Variants in TMEM39B observed in about 807,000 individuals in gnomAD.
The protein encoded by TMEM39B is transmembrane protein 39B.
In TMEM39B, 23 loss-of-function variants were observed where a neutral mutation model predicts 52.2. That is an observed-to-expected ratio of 0.44 (90% CI 0.32 to 0.62). The LOEUF is 0.62. TMEM39B is among the 20% of genes least tolerant of loss of function. TMEM39B has a pLI of 0.06. For missense variants in TMEM39B, 547 were observed against 642.0 expected, an observed-to-expected ratio of 0.85 and a Z score of 1.60; for synonymous variants, 285 against 264.0, an observed-to-expected ratio of 1.08 and a Z score of -0.77.
chr1:32,093,489 G>A (rs946803903), intron 6 of TMEM39B, among the ~76,000 whole-genome samples: 6 of 135,114 alleles, frequency 4.4e-5, no homozygotes, highest in Admixed American at 2.6e-4. Flanking sequence ...TTGGCTCACT[G>A]CAGCCTTTGC....
chr1:32,080,889 G>A (rs1640067216), intron 5 of TMEM39B, among the ~76,000 whole-genome samples: 1 of 151,790 alleles, frequency 6.6e-6, no homozygotes, highest in South Asian at 2.1e-4. Flanking sequence ...CCATTGCTGG[G>A]CACGGTAGCT....
chr1:32,088,220 T>C (rs1640452709), intron 5 of TMEM39B, among the ~76,000 whole-genome samples: 1 of 148,292 alleles, frequency 6.7e-6, no homozygotes, highest in Non-Finnish European at 1.5e-5. Flanking sequence ...ATTGAGACAA[T>C]CTTGGCTAAC....
rs747953802 is a variant in TMEM39B at position 32,077,199 on chromosome 1, C to T, written c.471C>T (p.Ser157=). 57 of 1,614,086 alleles carry T rather than the reference C, an allele frequency of 3.5e-5. 3 individuals carry two copies. In the South Asian group the frequency reaches 6.1e-4, roughly 17 times the overall value. The change falls in exon 5 of 9, where the codon TCC becomes TCT. Residue 157 remains serine (S), a synonymous_variant. Coordinates refer to ENST00000336294, the MANE Select transcript of TMEM39B (RefSeq NM_018056.4). ...GGGGGAAGGTCTCCCTCTTTCGCTCCATCCTGCTGTTCCTCACTCGCTTCA... is the reference window on the plus strand; with the variant it reads ...GGGGGAAGGTCTCCCTCTTTCGCTCTATCCTGCTGTTCCTCACTCGCTTCA... ...SQRGKVSLFR[S]ILLFLTRFTV...
At chr1:32,098,904 G>A (rs557583108) in intron 7 of TMEM39B, among the ~76,000 whole-genome samples, 1 of 152,256 alleles carries the variant, frequency 6.6e-6, no homozygotes, top group South Asian at 2.1e-4. Context: ...ATAAATAGAT[G>A]ACCAGCATTG....
rs1164290584 is a variant in TMEM39B, at chr1:32,073,033, C to T, written c.-15C>T. 6.6e-7 allele frequency: 1 copy of T among 1,526,702 alleles called. No individual in the cohort carries two copies. The highest frequency in any genetic ancestry group is 8.8e-7 in the Non-Finnish European group (1 of 1,135,406). 94.6% of individuals were successfully genotyped at this position (1,526,702 alleles called of 1,614,324 possible). On this transcript the variant is annotated 5_prime_UTR_variant, in exon 1 of 9. Coordinates refer to ENST00000336294, the MANE Select transcript of TMEM39B (RefSeq NM_018056.4). ...GGAGCTGCGGCGGCGAAGCGGAGAG[C>T]ACCGGGGGGAGGAGATGGGTGAGCA...
At chr1:32,076,512 G>A (rs1639868110) in intron 3 of TMEM39B, 4 of 643,670 alleles carry the variant, frequency 6.2e-6, no homozygotes, top group Non-Finnish European at 8.6e-6. Context: ...ATAGGGACAG[G>A]GGCATGTGTG....
intron 5 of TMEM39B, among the ~76,000 whole-genome samples, chr1:32,080,115 C>T (rs186220904): frequency 4.6e-5 from 7 of 151,932 alleles, no homozygotes; most frequent in African/African-American, 1.7e-4. Flanking sequence ...GTCTCGATCT[C>T]CTGACCTCGT....
chr1:32,097,676 G>C (rs1024498953), intron 7 of TMEM39B, among the ~76,000 whole-genome samples: 1 of 144,138 alleles, frequency 6.9e-6, no homozygotes, highest in East Asian at 2.1e-4. Context: ...ATGGAGTCTC[G>C]CTCTGTCGCC....
chr1:32,079,386 G>A (rs1032209709), intron 5 of TMEM39B, among the ~76,000 whole-genome samples: 2 of 151,528 alleles, frequency 1.3e-5, no homozygotes, highest in South Asian at 2.1e-4. Context: ...GGGTTTCACC[G>A]TGTTAGCCAG....
chr1:32,098,019 G>A (rs985038219), intron 7 of TMEM39B, among the ~76,000 whole-genome samples: 4 of 151,216 alleles, frequency 2.6e-5, no homozygotes, highest in Non-Finnish European at 5.9e-5. Context: ...TTTTTGAGAC[G>A]GGGTTTCGCT....
chr1:32,100,366 C>G (rs1198517900), intron 7 of TMEM39B, 76 bp from the exon 8 acceptor site: 4 of 1,461,976 alleles, frequency 2.7e-6, no homozygotes, highest in Admixed American at 2.6e-5. Flanking sequence ...CCTGGTGATT[C>G]CCTCCTGCCC....
chr1:32,087,219 G>A (rs1640388367), intron 5 of TMEM39B, among the ~76,000 whole-genome samples: 1 of 150,132 alleles, frequency 6.7e-6, no homozygotes, highest in Admixed American at 6.7e-5. Context: ...TCAGGAGGCT[G>A]ATGCAGGAGA....
chr1:32,095,098 G>A (rs1270872306), intron 7 of TMEM39B, 127 bp downstream of exon 7: 2 of 1,167,352 alleles, frequency 1.7e-6, no homozygotes, highest in East Asian at 5.1e-5. Context: ...TATATTATTA[G>A]GCCAGGTGTC....
At chr1:32,095,518 AG>A (rs1640779251) in intron 7 of TMEM39B, 1 of 156,340 alleles carries the variant, frequency 6.4e-6, no homozygotes, top group African/African-American at 2.4e-5. Flanking sequence ...TGGCCAGGGA[AG>A]GATGAGATGG....
In TMEM39B at chr1:32,075,765, C is replaced by T. The variant is rs1381279564; in HGVS notation, c.294C>T (p.Asn98=). The T allele has an allele frequency of 6.4e-6, 10 of 1,550,614 alleles. No individual in the cohort carries two copies. The Admixed American group carries it at 1.8e-4, about 27-fold the overall frequency. Residue 98 remains asparagine (N), a synonymous_variant, in exon 3 of 9, where the codon AAC becomes AAT. Transcript: ENST00000336294. Reference sequence around the variant, plus strand: ...TAGCACTCTTCGTCCACTACATCAACATCTACAAGACAGTGTGGTGGTATC... The same window carrying T: ...TAGCACTCTTCGTCCACTACATCAATATCTACAAGACAGTGTGGTGGTATC... ...QLIALFVHYI[N]IYKTVWWYPP... is the part of the protein sequence containing the mutation.
chr1:32,100,676 A>G, intron 8 of TMEM39B, 114 bp downstream of exon 8: 1 of 1,435,732 alleles, frequency 7.0e-7, no homozygotes, highest in East Asian at 2.3e-5. Flanking sequence ...TCCCCAATCC[A>G]AAGGAAGACA....
Position 32,100,586 on chromosome 1 carries a change from A to T in TMEM39B, c.1236+24A>T, listed in dbSNP as rs1056684846. On this transcript the variant is annotated intron_variant, in intron 8 of 8. Coordinates refer to ENST00000336294, the MANE Select transcript of TMEM39B (RefSeq NM_018056.4). ...ATGTGAGTCTCCTCCCCGGGGAAGG[A>T]GGGTTGGGGCCTGAGAGGGTGGGAG... 8.1e-6 allele frequency: 13 copies of T among 1,613,738 alleles called. No individual in the cohort carries two copies. The African/African-American group carries it at 1.7e-4, about 22-fold the overall frequency.
intron 4 of TMEM39B, 143 bp downstream of exon 4, chr1:32,076,989 C>A: frequency 7.9e-7 from 1 of 1,268,198 alleles, no homozygotes; most frequent in East Asian, 2.3e-5. Context: ...TTAGTTACAT[C>A]CCATCTTGGA....
At chr1:32,094,537 C>G (rs1281322708) in intron 6 of TMEM39B, among the ~76,000 whole-genome samples, 1 of 152,222 alleles carries the variant, frequency 6.6e-6, no homozygotes, top group African/African-American at 2.4e-5. Context: ...GAATTCAGGT[C>G]TCTTGGACCC....
Sources: allele counts gnomAD v4.1 joint callset (sites outside exome capture counted in the v4.1 genomes callset), GRCh38; gene constraint gnomAD v4.1.1; transcripts MANE v1.5; gene names NCBI Gene and HGNC (gene_info 2026-07-23, HGNC 2026-07-21).